Variants in DENND1A observed in about 807,000 individuals in gnomAD.
DENND1A encodes the protein DENN domain containing 1A.
In DENND1A, 51 loss-of-function variants were observed where a neutral mutation model predicts 113.7. The ratio of observed to expected loss-of-function variants is 0.45; its 90% CI spans 0.36 to 0.57. The LOEUF is 0.57. DENND1A is among the 20% of genes least tolerant of loss of function. DENND1A has a pLI of 0.00. For synonymous variants in DENND1A, 565 were observed against 570.8 expected (o/e 0.99, Z 0.14); for missense variants, 1,258 against 1,395.9 (o/e 0.90, Z 1.57).
At chr9:123,593,252 G>A (rs964719001) in intron 11 of DENND1A, among the ~76,000 whole-genome samples, 15 of 152,182 alleles carry the variant, frequency 9.9e-5, no homozygotes, top group Admixed American at 9.8e-4. Context: ...AAGGGTAAAT[G>A]ATTTAATCCT....
chr9:123,925,007 C>T (rs1308336048), intron 1 of DENND1A, among the ~76,000 whole-genome samples: 1 of 152,214 alleles, frequency 6.6e-6, no homozygotes, highest in Non-Finnish European at 1.5e-5. Context: ...TAAAATAGGA[C>T]AGTCGCTCCC....
At chr9:123,390,570 T>C (rs1170152815) in intron 21 of DENND1A, among the ~76,000 whole-genome samples, 1 of 152,220 alleles carries the variant, frequency 6.6e-6, no homozygotes, top group Non-Finnish European at 1.5e-5. Flanking sequence ...GGTGAGGGCT[T>C]CATGAGTCCA....
rs141488131 is a variant in DENND1A, at chr9:123,416,024, C to G, written c.1489-4195G>C. On this transcript the variant is annotated intron_variant, in intron 19 of 23. Coordinates refer to ENST00000394215, the MANE Select transcript of DENND1A (RefSeq NM_001352964.2). ...AAGGATCAACTCAGAAAAGCATGCTCTCTTCCAGAGAGTGGCCCCGGTGCT... is the reference window on the plus strand; with the variant it reads ...AAGGATCAACTCAGAAAAGCATGCTGTCTTCCAGAGAGTGGCCCCGGTGCT... Among the ~76,000 whole-genome samples the G allele has an allele frequency of 3.8e-3, 578 of 152,282 alleles. 6 individuals carry two copies. Among genetic ancestry groups the G allele is most frequent in the Non-Finnish European group, 5.8e-3 (393 of 68,010 alleles).
intron 11 of DENND1A, among the ~76,000 whole-genome samples, chr9:123,592,106 A>T (rs1269637414): frequency 6.6e-6 from 1 of 152,222 alleles, no homozygotes; most frequent in Non-Finnish European, 1.5e-5. Flanking sequence ...AGGTATGAAG[A>T]TTTTAACACA....
chr9:123,467,677 C>A (rs1232052539), intron 13 of DENND1A, among the ~76,000 whole-genome samples: 3 of 151,984 alleles, frequency 2.0e-5, no homozygotes, highest in Non-Finnish European at 4.4e-5. Flanking sequence ...AACAAAACAT[C>A]CCCACACCAG....
chr9:123,758,501 T>C lies in DENND1A; in HGVS notation c.183-679A>G, dbSNP rs150553050. Reference sequence around the variant, plus strand: ...CAGCTACAAAGAGGAGGAGCTGAAATTGAAACTGGAAAGAAAACAGGGCAA... The same window carrying C: ...CAGCTACAAAGAGGAGGAGCTGAAACTGAAACTGGAAAGAAAACAGGGCAA... On this transcript the variant is annotated intron_variant, in intron 4 of 23. Transcript: ENST00000394215. Among the ~76,000 whole-genome samples, 5 of 152,306 alleles carry C rather than the reference T, an allele frequency of 3.3e-5. No homozygotes were observed. In the East Asian group the frequency reaches 9.6e-4, roughly 29 times the overall value.
At chr9:123,848,139 T>A (rs1463228904) in intron 2 of DENND1A, among the ~76,000 whole-genome samples, 1 of 145,940 alleles carries the variant, frequency 6.9e-6, no homozygotes. Context: ...AAGATGCCAA[T>A]TAAAGTTAAA....
intron 10 of DENND1A, among the ~76,000 whole-genome samples, chr9:123,628,615 C>T (rs1221349619): frequency 3.3e-5 from 5 of 152,166 alleles, no homozygotes; most frequent in Non-Finnish European, 7.3e-5. Flanking sequence ...GGTTTACATC[C>T]TTATCCTTTC....
chr9:123,403,443 G>A lies in DENND1A; in HGVS notation c.1590C>T (p.Ile530=), dbSNP rs781496835. The A allele has an allele frequency of 5.6e-6, 9 of 1,614,176 alleles. No individual in the cohort carries two copies. Among genetic ancestry groups the A allele is most frequent in the South Asian group, 2.2e-5 (2 of 91,074 alleles). The change falls in exon 21 of 24, where the codon ATC becomes ATT. Residue 530 remains isoleucine, a synonymous_variant. Transcript: ENST00000394215. ...PHVVKRPKSN[I]AVEGRRTSVP... is the part of the protein sequence containing the mutation. ...CAGACGTCCTCCGGCCTTCCACTGCGATGTTGCTCTTTGGTCTCTTAACAA... is the reference window on the plus strand; with the variant it reads ...CAGACGTCCTCCGGCCTTCCACTGCAATGTTGCTCTTTGGTCTCTTAACAA...
intron 1 of DENND1A, among the ~76,000 whole-genome samples, chr9:123,922,184 T>C (rs1454632297): frequency 6.6e-6 from 1 of 152,116 alleles, no homozygotes; most frequent in African/African-American, 2.4e-5. Flanking sequence ...TCCACCCTCC[T>C]TGGCCTCCCA....
chr9:123,803,167 A>C (rs918077559), intron 2 of DENND1A, among the ~76,000 whole-genome samples: 2 of 152,150 alleles, frequency 1.3e-5, no homozygotes, highest in African/African-American at 4.8e-5. Context: ...ACCCGCCTGC[A>C]CCCATATAGC....
chr9:123,732,788 G>A (rs1354956703), intron 5 of DENND1A, among the ~76,000 whole-genome samples: 1 of 152,152 alleles, frequency 6.6e-6, no homozygotes, highest in Non-Finnish European at 1.5e-5. Context: ...AGAGGCTCTG[G>A]AATGAGAATC....
intron 23 of DENND1A, 147 bp downstream of exon 23, chr9:123,383,508 T>A: frequency 7.6e-7 from 1 of 1,307,786 alleles, no homozygotes; most frequent in African/African-American, 1.5e-5. Flanking sequence ...GGGAGGTGTT[T>A]ACAGTCACAC....
At chr9:123,769,088 A>G (rs1829308027) in intron 4 of DENND1A, among the ~76,000 whole-genome samples, 1 of 152,172 alleles carries the variant, frequency 6.6e-6, no homozygotes, top group South Asian at 2.1e-4. Context: ...TAAACAAGAT[A>G]GGGCTAGGCT....
At position 123,380,421 on chromosome 9, in the gene DENND1A, A is replaced by C. The variant is rs2042218213; in HGVS notation, c.*1011T>G. The C allele has an allele frequency of 6.6e-6, 1 of 152,478 alleles. No individual in the cohort carries two copies. Among genetic ancestry groups the C allele is most frequent in the South Asian group, 2.1e-4 (1 of 4,836 alleles). The allele number at this position is 152,478 out of a possible 1,614,324, so 9.4% of individuals were successfully genotyped here. Reference sequence around the variant, plus strand: ...TTCTAGCCCTCCTCCTGCTTCCCCGAGGCAGAGACCAAGTTTGTCCTTTCT... The same window carrying C: ...TTCTAGCCCTCCTCCTGCTTCCCCGCGGCAGAGACCAAGTTTGTCCTTTCT... On this transcript the variant is annotated 3_prime_UTR_variant, in exon 24 of 24. Coordinates refer to ENST00000394215, the MANE Select transcript of DENND1A (RefSeq NM_001352964.2).
At chr9:123,704,044 T>C (rs1223898076) in intron 5 of DENND1A, among the ~76,000 whole-genome samples, 1 of 151,862 alleles carries the variant, frequency 6.6e-6, no homozygotes, top group Non-Finnish European at 1.5e-5. Flanking sequence ...TTTAAAACCC[T>C]CCCAACTGAT....
In DENND1A at chr9:123,805,920, C is replaced by T. The variant is rs1301584078; in HGVS notation, c.89-13290G>A. Among the ~76,000 whole-genome samples the T allele has an allele frequency of 2.0e-5, 3 of 152,060 alleles. No individual in the cohort carries two copies. The South Asian group carries it at 6.2e-4, about 32-fold the overall frequency. ...TCTTGTACCTATTTACATATAAGTA[C>T]CTAACAGTAAAAAATATGACATACT... is the stretch of plus-strand genomic sequence containing the variant. On this transcript the variant is annotated intron_variant, in intron 2 of 23. Transcript: ENST00000394215.
intron 13 of DENND1A, among the ~76,000 whole-genome samples, chr9:123,533,722 C>T (rs1006764560): frequency 6.6e-6 from 1 of 152,120 alleles, no homozygotes; most frequent in African/African-American, 2.4e-5. Context: ...ATTTACTTGT[C>T]CAATAGAGTT....
intron 1 of DENND1A, among the ~76,000 whole-genome samples, chr9:123,906,975 A>C (rs1172066902): frequency 8.8e-4 from 129 of 146,466 alleles, no homozygotes; most frequent in African/African-American, 3.2e-3. Context: ...TACTGGCAAA[A>C]CGAATCCAGC....
Sources: allele counts gnomAD v4.1 joint callset (sites outside exome capture counted in the v4.1 genomes callset), GRCh38; gene constraint gnomAD v4.1.1; transcripts MANE v1.5; gene names NCBI Gene and HGNC (gene_info 2026-07-23, HGNC 2026-07-21).